KHDRBS2: variants seen among roughly 807,000 people sequenced by gnomAD.
The protein encoded by KHDRBS2 is KH RNA binding domain containing, signal transduction associated 2, also known as KH domain-containing, RNA-binding, signal transduction-associated protein 2.
In KHDRBS2, 26 loss-of-function variants were observed where a neutral mutation model predicts 44.3. That is an observed-to-expected ratio of 0.59 (90% CI 0.43 to 0.81). The LOEUF (loss-of-function observed/expected upper bound fraction) is 0.81, where lower values mean the gene tolerates loss of function less well. Among genes scored for constraint, KHDRBS2 ranks in the 40% least tolerant of loss-of-function variants. KHDRBS2 has a pLI of 0.00. For missense variants in KHDRBS2, 476 were observed against 433.1 expected (o/e 1.10, Z -0.88); for synonymous variants, 194 against 151.1 (o/e 1.28, Z -2.08).
At chr6:62,062,984 G>A (rs1792409560) in intron 2 of KHDRBS2, among the ~76,000 whole-genome samples, 1 of 151,262 alleles carries the variant, frequency 6.6e-6, no homozygotes, top group South Asian at 2.1e-4. Context: ...ACTACCATCA[G>A]AGAATACTAC....
chr6:61,893,736 C>T (rs1802415659), intron 6 of KHDRBS2, among the ~76,000 whole-genome samples: 1 of 152,048 alleles, frequency 6.6e-6, no homozygotes, highest in Non-Finnish European at 1.5e-5. Context: ...ACATCACACA[C>T]TGGGGCCTGT....
the KHDRBS2 span, among the ~76,000 whole-genome samples, chr6:61,577,519 T>C: frequency 6.6e-6 from 1 of 152,092 alleles, no homozygotes; most frequent in African/African-American, 2.4e-5. Flanking sequence ...AAAAAGAAAA[T>C]ATTAATATGT....
intron 5 of KHDRBS2, among the ~76,000 whole-genome samples, chr6:61,896,184 T>C (rs766557975): frequency 2.6e-5 from 4 of 152,162 alleles, no homozygotes; most frequent in Non-Finnish European, 5.9e-5. Context: ...CACATTTCTG[T>C]TTCCTCATAA....
At chr6:61,585,184 T>C in the KHDRBS2 span, among the ~76,000 whole-genome samples, 1 of 152,064 alleles carries the variant, frequency 6.6e-6, no homozygotes, top group Non-Finnish European at 1.5e-5. Flanking sequence ...TAGGACCATC[T>C]TTCATTCAGT....
chr6:62,214,324 G>C (rs1224649240), intron 1 of KHDRBS2, among the ~76,000 whole-genome samples: 1 of 152,090 alleles, frequency 6.6e-6, no homozygotes. Context: ...TTATAACAAT[G>C]CAGGTAAGTA....
At chr6:61,954,933 C>CATATGTATAT (rs1331843847) in intron 4 of KHDRBS2, among the ~76,000 whole-genome samples, 2 of 96,238 alleles carry the variant, frequency 2.1e-5, no homozygotes, top group Admixed American at 2.1e-4. Flanking sequence ...TATACACATA[C>CATATGTATAT]ATATGTATGT....
intron 2 of KHDRBS2, among the ~76,000 whole-genome samples, chr6:62,079,683 T>G (rs1256669202): frequency 1.3e-5 from 2 of 152,082 alleles, no homozygotes; most frequent in Non-Finnish European, 2.9e-5. Context: ...AAATACAGAA[T>G]TATTCTCACA....
chr6:61,870,944 T>A (rs1798569698), intron 6 of KHDRBS2, among the ~76,000 whole-genome samples: 1 of 152,172 alleles, frequency 6.6e-6, no homozygotes, highest in Non-Finnish European at 1.5e-5. Context: ...CCAGAATGCC[T>A]CTTCTCCTCC....
the KHDRBS2 span, among the ~76,000 whole-genome samples, chr6:61,660,870 C>T: frequency 1.3e-5 from 2 of 151,872 alleles, no homozygotes; most frequent in African/African-American, 4.8e-5. Flanking sequence ...TGGTGGATGA[C>T]ATTTCTTCTC....
intron 6 of KHDRBS2, among the ~76,000 whole-genome samples, chr6:61,831,054 C>G (rs1327365442): frequency 6.6e-6 from 1 of 152,066 alleles, no homozygotes; most frequent in Non-Finnish European, 1.5e-5. Flanking sequence ...ATGTACTTCT[C>G]TTAACATACT....
At chr6:62,166,619 C>T (rs1330694660) in intron 2 of KHDRBS2, among the ~76,000 whole-genome samples, 1 of 151,926 alleles carries the variant, frequency 6.6e-6, no homozygotes, top group Non-Finnish European at 1.5e-5. Context: ...ATTTTTACTT[C>T]CTTATTGCTC....
chr6:62,054,793 C>A (rs926345100), intron 2 of KHDRBS2, among the ~76,000 whole-genome samples: 14 of 151,994 alleles, frequency 9.2e-5, no homozygotes, highest in Admixed American at 5.9e-4. Context: ...TCAAAGAAAT[C>A]ATTTCAGACT....
chr6:61,697,320 G>T, intron 7 of KHDRBS2, 67 bp from the exon 8 acceptor site: 1 of 950,738 alleles, frequency 1.1e-6, no homozygotes, highest in Non-Finnish European at 1.7e-6. Context: ...AACTCATATG[G>T]AATTTGAAGG....
At chr6:62,135,779 G>T (rs546503886) in intron 2 of KHDRBS2, among the ~76,000 whole-genome samples, 1 of 152,246 alleles carries the variant, frequency 6.6e-6, no homozygotes, top group Admixed American at 6.5e-5. Context: ...CAGAGTGGAT[G>T]ACCTAGAGGA....
intron 4 of KHDRBS2, among the ~76,000 whole-genome samples, chr6:61,925,578 G>C (rs1186924409): frequency 1.3e-5 from 2 of 151,970 alleles, no homozygotes; most frequent in African/African-American, 4.8e-5. Context: ...GCCAGGCATA[G>C]TGGTGTGCAC....
intron 1 of KHDRBS2, among the ~76,000 whole-genome samples, chr6:62,214,099 T>C (rs1158826884): frequency 6.6e-6 from 1 of 152,132 alleles, no homozygotes; most frequent in Non-Finnish European, 1.5e-5. Context: ...GGTCTCTCTG[T>C]ATGTTCAAAT....
downstream of KHDRBS2, among the ~76,000 whole-genome samples, chr6:61,679,686 T>C (rs1157408549): frequency 6.6e-6 from 1 of 151,976 alleles, no homozygotes; most frequent in Non-Finnish European, 1.5e-5. Context: ...CCAGTGACAC[T>C]GATGATTTGT....
chr6:61,989,671 T>C (rs535721503), intron 3 of KHDRBS2, among the ~76,000 whole-genome samples: 22 of 152,344 alleles, frequency 1.4e-4, no homozygotes, highest in Admixed American at 5.9e-4. Context: ...TCACTTTCTC[T>C]GGAAAGAGGA....
At chr6:61,873,861 G>C (rs1156828224) in intron 6 of KHDRBS2, among the ~76,000 whole-genome samples, 1 of 151,894 alleles carries the variant, frequency 6.6e-6, no homozygotes, top group Non-Finnish European at 1.5e-5. Flanking sequence ...TAAGAGAAAA[G>C]CAAGGTGAGA....
Sources: gnomAD v4.1 joint callset for allele counts (sites outside exome capture counted in the v4.1 genomes callset) on GRCh38, gnomAD v4.1.1 for gene constraint, MANE v1.5 for transcripts, NCBI Gene and HGNC (gene_info 2026-07-23, HGNC 2026-07-21) for gene names.